The following MPP7 variants were observed in gnomAD, a reference collection of about 807,000 sequenced individuals.
The protein encoded by MPP7 is MAGUK p55 subfamily member 7.
In MPP7, 60 loss-of-function variants were observed where a neutral mutation model predicts 76.5. The ratio of observed to expected loss-of-function variants is 0.78; its 90% CI spans 0.64 to 0.97. The LOEUF (loss-of-function observed/expected upper bound fraction) is 0.97. MPP7 is among the 50% of genes least tolerant of loss of function. The probability of loss-of-function intolerance (pLI) is 0.00; values close to 1 mark genes in which losing one functional copy is unlikely to be tolerated. For synonymous variants in MPP7, 237 were observed against 244.5 expected (o/e 0.97, Z 0.29); for missense variants, 641 against 694.0 (o/e 0.92, Z 0.86).
At position 28,120,083 on chromosome 10, in the gene MPP7, T is replaced by A. The variant is rs1247370050; in HGVS notation, c.887+111A>T. 2.5e-6 allele frequency: 3 copies of A among 1,208,860 alleles called. No individual in the cohort carries two copies. The African/African-American group carries it at 4.6e-5, about 19-fold the overall frequency. 74.9% of individuals were successfully genotyped at this position (1,208,860 alleles called of 1,614,324 possible). Reference sequence around the variant, plus strand: ...AAATCCAAACCCACAGGATAAAAAATTCTAAGGCAAGGTTTTATAGCATAT... The same window carrying A: ...AAATCCAAACCCACAGGATAAAAAAATCTAAGGCAAGGTTTTATAGCATAT... On this transcript the variant is annotated intron_variant, in intron 10 of 16. Coordinates refer to ENST00000683449, the MANE Select transcript of MPP7 (RefSeq NM_001318170.2).
intron 5 of MPP7, among the ~76,000 whole-genome samples, chr10:28,143,855 CTGTGTGTGTG>C (rs60960005): frequency 0.036 from 4,868 of 134,348 alleles, 201 homozygotes; most frequent in Non-Finnish European, 0.042. Flanking sequence ...CAATCGTGTG[CTGTGTGTGTG>C]TGTGTGTGTG....
At chr10:28,299,705 A>G (rs1014103472) in intron 1 of MPP7, among the ~76,000 whole-genome samples, 18 of 152,152 alleles carry the variant, frequency 1.2e-4, no homozygotes, top group African/African-American at 4.1e-4. Context: ...CCTTCACTTT[A>G]AATTCAAAAT....
chr10:28,325,587 C>T (rs1431588214), intron 2 of MPP7, among the ~76,000 whole-genome samples: 6 of 152,076 alleles, frequency 3.9e-5, no homozygotes, highest in Middle Eastern at 3.4e-3. Context: ...TCTGTCTCCC[C>T]GGTCCAAGGG....
intron 12 of MPP7, among the ~76,000 whole-genome samples, chr10:28,081,874 TC>T (rs796359038): frequency 6.6e-6 from 1 of 151,778 alleles, no homozygotes; most frequent in African/African-American, 2.4e-5. Flanking sequence ...TGCCTCAGAC[TC>T]CTAAATACCT....
chr10:28,326,868 A>G (rs1261489094), intron 2 of MPP7, among the ~76,000 whole-genome samples: 2 of 152,184 alleles, frequency 1.3e-5, no homozygotes, highest in African/African-American at 2.4e-5. Context: ...CTGATATTCT[A>G]TTAAATCCCA....
intron 3 of MPP7, among the ~76,000 whole-genome samples, chr10:28,192,679 T>C (rs189291776): frequency 1.0e-3 from 153 of 152,296 alleles, no homozygotes; most frequent in Non-Finnish European, 2.0e-3. Context: ...TACACAATAT[T>C]ACTAAGATGT....
At chr10:28,283,749 A>G (rs58192820) in intron 1 of MPP7, among the ~76,000 whole-genome samples, 9,178 of 152,154 alleles carry the variant, frequency 0.06, 433 homozygotes, top group African/African-American at 0.11. Context: ...TCCTGACCTC[A>G]AGTGATTCAC....
intron 1 of MPP7, among the ~76,000 whole-genome samples, chr10:28,272,321 G>A (rs191348261): frequency 6.6e-6 from 1 of 151,318 alleles, no homozygotes; most frequent in Non-Finnish European, 1.5e-5. Context: ...ACACAGGTGT[G>A]TCCAATTTGT....
At chr10:28,320,885 A>G (rs773394774) in intron 2 of MPP7, among the ~76,000 whole-genome samples, 1 of 151,584 alleles carries the variant, frequency 6.6e-6, no homozygotes, top group African/African-American at 2.4e-5. Context: ...CACTGGTAAT[A>G]GCCCCTGACG....
At chr10:28,179,532 T>C (rs962236430) in intron 3 of MPP7, among the ~76,000 whole-genome samples, 4 of 152,340 alleles carry the variant, frequency 2.6e-5, no homozygotes, top group African/African-American at 9.6e-5. Context: ...TAATAATAAA[T>C]ACCTCTACTA....
intron 11 of MPP7, among the ~76,000 whole-genome samples, chr10:28,105,428 G>T (rs767725223): frequency 6.6e-6 from 1 of 152,148 alleles, no homozygotes; most frequent in Non-Finnish European, 1.5e-5. Flanking sequence ...GAATTGGCAA[G>T]TAATGAGGAA....
chr10:28,208,805 G>A (rs10763648), intron 2 of MPP7, among the ~76,000 whole-genome samples: 26,642 of 152,082 alleles, frequency 0.18, 2,968 homozygotes, highest in East Asian at 0.56. Context: ...TCTTCTATAT[G>A]GAGATTTATG....
chr10:28,228,101 A>C (rs779011307), intron 2 of MPP7, among the ~76,000 whole-genome samples: 1 of 152,224 alleles, frequency 6.6e-6, no homozygotes, highest in Non-Finnish European at 1.5e-5. Flanking sequence ...AGCAAAGTAT[A>C]CTTTGGGTGG....
At chr10:28,262,231 A>ATATATATATG (rs1839997414) in intron 1 of MPP7, among the ~76,000 whole-genome samples, 2 of 75,134 alleles carry the variant, frequency 2.7e-5, no homozygotes, top group Non-Finnish European at 4.4e-5. Flanking sequence ...ATATACATAT[A>ATATATATATG]TATATATATA....
At chr10:28,109,848 CA>C (rs869206744) in intron 11 of MPP7, among the ~76,000 whole-genome samples, 1,638 of 19,090 alleles carry the variant, frequency 0.086, 5 homozygotes, top group African/African-American at 0.26. Context: ...GCCGCAGACG[CA>C]AAAAAAAAAA....
intron 15 of MPP7, chr10:28,057,797 G>A (rs1284518064): frequency 7.0e-6 from 9 of 1,286,908 alleles, no homozygotes; most frequent in East Asian, 5.6e-5. Context: ...TCTAGCATTT[G>A]GAGGTTTTGC....
chr10:28,299,942 A>G (rs1032370299), intron 1 of MPP7, among the ~76,000 whole-genome samples: 5 of 151,340 alleles, frequency 3.3e-5, no homozygotes, highest in Non-Finnish European at 5.9e-5. Context: ...AATTTTTTCT[A>G]TTTTTTAGTA....
chr10:28,109,324 T>TA (rs1241940001), intron 11 of MPP7, among the ~76,000 whole-genome samples: 1 of 151,926 alleles, frequency 6.6e-6, no homozygotes, highest in Non-Finnish European at 1.5e-5. Context: ...AGCAGAAAGT[T>TA]GTCGGGAAGA....
At chr10:28,268,911 TC>T (rs1840232523) in intron 1 of MPP7, among the ~76,000 whole-genome samples, 1 of 149,744 alleles carries the variant, frequency 6.7e-6, no homozygotes, top group Non-Finnish European at 1.5e-5. Flanking sequence ...AGACCGAGAC[TC>T]CGTCTCAAAA....
Sources: gnomAD v4.1 joint callset for allele counts (sites outside exome capture counted in the v4.1 genomes callset) on GRCh38, gnomAD v4.1.1 for gene constraint, MANE v1.5 for transcripts, NCBI Gene and HGNC (gene_info 2026-07-23, HGNC 2026-07-21) for gene names.